The following RCAN1 variants were observed in gnomAD, a reference collection of about 807,000 sequenced individuals.
The protein encoded by RCAN1 is calcipressin-1.
A neutral mutation model predicts 22.9 loss-of-function variants in RCAN1; 11 were observed. The observed-to-expected ratio is 0.48, with a 90% CI of 0.30 to 0.79. The LOEUF is 0.79. RCAN1 is among the 30% of genes least tolerant of loss of function. The probability of loss-of-function intolerance (pLI) is 0.06; values close to 1 mark genes in which losing one functional copy is unlikely to be tolerated. For synonymous variants in RCAN1, 136 were observed against 142.3 expected (o/e 0.96, Z 0.32); for missense variants, 291 against 337.8 (o/e 0.86, Z 1.09).
chr21:34,584,531 T>C (rs1697534258), intron 1 of RCAN1, among the ~76,000 whole-genome samples: 1 of 152,242 alleles, frequency 6.6e-6, no homozygotes, highest in Admixed American at 6.5e-5. Context: ...CTGACCACTC[T>C]TCTTCCATCA....
At chr21:34,566,734 C>G (rs1264790167) in intron 1 of RCAN1, among the ~76,000 whole-genome samples, 2 of 152,168 alleles carry the variant, frequency 1.3e-5, no homozygotes, top group African/African-American at 4.8e-5. Flanking sequence ...GCTGTACAAG[C>G]ACGCACCAGC....
intron 1 of RCAN1, among the ~76,000 whole-genome samples, chr21:34,608,970 G>A (rs1029622198): frequency 6.6e-6 from 1 of 152,090 alleles, no homozygotes; most frequent in Admixed American, 6.5e-5. Flanking sequence ...TGGGGAATGT[G>A]AGCATATTAA....
In RCAN1 at chr21:34,518,008, T is replaced by C; in HGVS notation, c.*76A>G. The C allele has an allele frequency of 6.4e-7, 1 of 1,562,716 alleles. No homozygotes were observed. Among genetic ancestry groups the C allele is most frequent in the Non-Finnish European group, 8.7e-7 (1 of 1,146,972 alleles). ...ATCTCGGCTGCCACCTCCGAAGAAGTCGTGACCAGCCACCTCCACAGTAAA... is the reference window on the plus strand; with the variant it reads ...ATCTCGGCTGCCACCTCCGAAGAAGCCGTGACCAGCCACCTCCACAGTAAA... On this transcript the variant is annotated 3_prime_UTR_variant, in exon 4 of 4. Coordinates refer to ENST00000313806, the MANE Select transcript of RCAN1 (RefSeq NM_004414.7). The surrounding 1 kb of genome is among the most constrained non-coding windows in gnomAD (Gnocchi z 4.2).
At position 34,607,524 on chromosome 21, in the gene RCAN1, G is replaced by T. The variant is rs950958375; in HGVS notation, c.252+7236C>A. On this transcript the variant is annotated intron_variant, in intron 1 of 3. Transcript: ENST00000313806. ...CATGCCTCAGCCTCCTGAATAGCTG[G>T]GACTACAGGCGCGTGCCACCACACT... 1.8e-4 allele frequency among the ~76,000 whole-genome samples: 28 copies of T among 152,110 alleles called. 1 individual carries two copies. The highest frequency in any genetic ancestry group is 4.4e-5 in the Non-Finnish European group (3 of 67,984).
chr21:34,558,960 A>C (rs1226901664), intron 1 of RCAN1, among the ~76,000 whole-genome samples: 3 of 152,272 alleles, frequency 2.0e-5, no homozygotes, highest in Admixed American at 2.0e-4. Context: ...AGCAAGGCAG[A>C]GGTATTAGCA....
chr21:34,539,890 T>C (rs1290507577), intron 1 of RCAN1, among the ~76,000 whole-genome samples: 3 of 152,246 alleles, frequency 2.0e-5, no homozygotes, highest in African/African-American at 4.8e-5. Context: ...GCCATCTTTA[T>C]CTGGTGAAAT....
intron 1 of RCAN1, among the ~76,000 whole-genome samples, chr21:34,598,095 C>A (rs1988223613): frequency 6.6e-6 from 1 of 152,192 alleles, no homozygotes; most frequent in Non-Finnish European, 1.5e-5. Flanking sequence ...GACGTCAACT[C>A]TCCCTAAGTA....
intron 1 of RCAN1, among the ~76,000 whole-genome samples, chr21:34,599,874 G>A (rs2284608): frequency 0.31 from 47,553 of 151,998 alleles, 7,676 homozygotes; most frequent in East Asian, 0.45. Context: ...TTTCTCCCCA[G>A]TGCCATTAAA....
chr21:34,559,726 A>C (rs1188149157), intron 1 of RCAN1: 1 of 152,204 alleles, frequency 6.6e-6, no homozygotes, highest in Non-Finnish European at 1.5e-5. Context: ...AGTTTCTCTA[A>C]AACCTGGAGA....
chr21:34,588,744 G>C (rs914584326), intron 1 of RCAN1, among the ~76,000 whole-genome samples: 6 of 152,212 alleles, frequency 3.9e-5, no homozygotes, highest in Admixed American at 3.9e-4. Context: ...GTCCACAGCA[G>C]CATCCTTCAA....
At chr21:34,533,118 GC>G (rs1418307257) in intron 1 of RCAN1, among the ~76,000 whole-genome samples, 1 of 151,480 alleles carries the variant, frequency 6.6e-6, no homozygotes, top group Non-Finnish European at 1.5e-5. Context: ...CCGCCACCAC[GC>G]CCGGCTAATT....
chr21:34,543,985 CTATGAACTTCAGTT>C (rs1248391702), intron 1 of RCAN1, among the ~76,000 whole-genome samples: 3 of 152,250 alleles, frequency 2.0e-5, no homozygotes, highest in Admixed American at 2.0e-4. Context: ...AGACTGAATC[CTATGAACTTCAGTT>C]TCCTCATTTG....
chr21:34,538,367 T>C (rs530114882), intron 1 of RCAN1, among the ~76,000 whole-genome samples: 1 of 152,234 alleles, frequency 6.6e-6, no homozygotes, highest in South Asian at 2.1e-4. Flanking sequence ...ACGCTCCCTG[T>C]TGGTCCAAGC....
rs189749973 is a variant in RCAN1 at position 34,571,139 on chromosome 21, C to A, written c.252+43621G>T. Among the ~76,000 whole-genome samples, 892 of 152,066 alleles carry A rather than the reference C, an allele frequency of 5.9e-3. 25 individuals carry two copies. The highest frequency in any genetic ancestry group is 0.041 in the Admixed American group (620 of 15,260). ...AGAAACCTCATCTCTACTAAAAATA[C>A]AAAATTAGCCGGGCATGGTGATGCA... On this transcript the variant is annotated intron_variant, in intron 1 of 3. Transcript: ENST00000313806.
intron 1 of RCAN1, chr21:34,560,280 A>C (rs746852005): frequency 2.2e-4 from 34 of 152,312 alleles, no homozygotes; most frequent in Non-Finnish European, 4.6e-4. Context: ...AGAAGTCCAC[A>C]CTGGGAGGGG....
chr21:34,524,791 A>C (rs145631284), intron 1 of RCAN1, among the ~76,000 whole-genome samples: 4 of 152,050 alleles, frequency 2.6e-5, no homozygotes, highest in Non-Finnish European at 1.5e-5. Context: ...GGGGGATTAC[A>C]AGCTTAGGTT....
At chr21:34,565,637 G>A (rs1310903044) in intron 1 of RCAN1, among the ~76,000 whole-genome samples, 1 of 152,182 alleles carries the variant, frequency 6.6e-6, no homozygotes, top group Non-Finnish European at 1.5e-5. Context: ...TCAACAGATG[G>A]GAAAACATGG....
chr21:34,518,161 T>C lies in RCAN1; in HGVS notation c.682A>G (p.Met228Val). ...GGCTTAGGTCTCCTCATTCTTTCCATTTCCTCTTCTTCCTCCTTCTCTTGA... is the reference window on the plus strand; with the variant it reads ...GGCTTAGGTCTCCTCATTCTTTCCACTTCCTCTTCTTCCTCCTTCTCTTGA... Reference protein sequence around the residue: ...SDQEKEEEEEMERMRRPKPKI... With the variant: ...SDQEKEEEEEVERMRRPKPKI... The change falls in exon 4 of 4, where the codon ATG becomes GTG. Residue 228 changes from methionine (M) to valine (V), a missense_variant. By Grantham distance (21) the Met-to-Val change is conservative. Coordinates refer to ENST00000313806, the MANE Select transcript of RCAN1 (RefSeq NM_004414.7). This position sits in a 1 kb window ranked among gnomAD's most constrained non-coding sequence, Gnocchi z 4.2. 6.2e-7 allele frequency: 1 copy of C among 1,614,228 alleles called. No homozygotes were observed. The highest frequency in any genetic ancestry group is 1.1e-5 in the South Asian group (1 of 91,088).
intron 1 of RCAN1, among the ~76,000 whole-genome samples, chr21:34,533,024 T>G (rs56128034): frequency 0.014 from 2,163 of 150,154 alleles, 22 homozygotes; most frequent in Non-Finnish European, 0.024. Context: ...GCAGTGGCAC[T>G]ATCTCGGCTC....
Sources: gnomAD v4.1 joint callset for allele counts (sites outside exome capture counted in the v4.1 genomes callset) on GRCh38, gnomAD v4.1.1 for gene constraint, Gnocchi (gnomAD v3.1) non-coding constraint, MANE v1.5 for transcripts, NCBI Gene and HGNC (gene_info 2026-07-23, HGNC 2026-07-21) for gene names.